The following ZNF536 variants were observed in gnomAD, a reference collection of about 807,000 sequenced individuals.
ZNF536 encodes zinc finger protein 536.
ZNF536 carries 13 observed loss-of-function variants against 84.5 expected under a neutral mutation model. The observed-to-expected ratio is 0.15, with a 90% CI of 0.10 to 0.24. The LOEUF is 0.24. Ranked by LOEUF, ZNF536 falls within the 10% of genes least tolerant of loss-of-function variation. The probability of loss-of-function intolerance (pLI) is 1.00; values close to 1 mark genes in which losing one functional copy is unlikely to be tolerated. For missense variants in ZNF536, 1,536 were observed against 1,747.5 expected, an observed-to-expected ratio of 0.88 and a Z score of 2.16; for synonymous variants, 811 against 742.5, an observed-to-expected ratio of 1.09 and a Z score of -1.50.
chr19:30,246,534 C>A (rs1429468336), intron 1 of ZNF536, among the ~76,000 whole-genome samples: 1 of 152,186 alleles, frequency 6.6e-6, no homozygotes, highest in Non-Finnish European at 1.5e-5. Flanking sequence ...TGTTCTTTTT[C>A]TTCCCATAGT....
intron 1 of ZNF536, among the ~76,000 whole-genome samples, chr19:30,283,258 T>C (rs2045514328): frequency 6.6e-6 from 1 of 152,140 alleles, no homozygotes; most frequent in Non-Finnish European, 1.5e-5. Context: ...GCAAAACAAA[T>C]GAGAATCCAA....
chr19:30,415,369 TCTTC>T (rs1286347084), intron 1 of ZNF536, among the ~76,000 whole-genome samples: 1 of 149,900 alleles, frequency 6.7e-6, no homozygotes, highest in Non-Finnish European at 1.5e-5. Flanking sequence ...TCCTTTTCCT[TCTTC>T]CTTCTTCTCC....
chr19:30,626,773 C>T (rs372371617), intron 1 of ZNF536, among the ~76,000 whole-genome samples: 5 of 152,318 alleles, frequency 3.3e-5, no homozygotes, highest in African/African-American at 1.2e-4. Flanking sequence ...GGATGCTGGG[C>T]GGATGTGCGG....
chr19:30,440,881 GGATAGATA>G (rs56021291), intron 1 of ZNF536, among the ~76,000 whole-genome samples: 55,186 of 145,290 alleles, frequency 0.38, 10,832 homozygotes, highest in Admixed American at 0.46. Flanking sequence ...ACTCTGGCCA[GGATAGATA>G]GATAGATAGA....
chr19:30,441,950 G>A (rs1429547744), intron 1 of ZNF536, among the ~76,000 whole-genome samples: 2 of 152,316 alleles, frequency 1.3e-5, no homozygotes, highest in African/African-American at 2.4e-5. Flanking sequence ...AGACCCTGCC[G>A]AGGCTGCCTG....
At chr19:30,690,255 A>G (rs879692169) in intron 1 of ZNF536, among the ~76,000 whole-genome samples, 1 of 152,206 alleles carries the variant, frequency 6.6e-6, no homozygotes, top group Admixed American at 6.5e-5. Context: ...TGGGGTGAAA[A>G]GACTCTTCTA....
intron 2 of ZNF536, among the ~76,000 whole-genome samples, chr19:30,485,714 C>A (rs531066939): frequency 2.4e-4 from 37 of 151,192 alleles, no homozygotes; most frequent in Non-Finnish European, 5.0e-4. Flanking sequence ...GGGGAAACAT[C>A]TTTTCTTTGT....
intron 2 of ZNF536, among the ~76,000 whole-genome samples, chr19:30,491,409 G>C (rs561357652): frequency 6.6e-6 from 1 of 152,292 alleles, no homozygotes; most frequent in African/African-American, 2.4e-5. Flanking sequence ...CACAGTGTGT[G>C]TTGTGGGGAG....
In ZNF536 at chr19:30,538,688, C is replaced by T. The variant is rs575738128; in HGVS notation, c.2323+3689C>T. 5.3e-5 allele frequency among the ~76,000 whole-genome samples: 8 copies of T among 152,312 alleles called. No individual in the cohort carries two copies. In the East Asian group the frequency reaches 1.5e-3, roughly 29 times the overall value. ...CCATCAGATCCTGGAGGCTGCCTCA[C>T]TCTGGCTCCAGGCAGGGCAGACGTT... is the stretch of plus-strand genomic sequence containing the variant. On this transcript the variant is annotated intron_variant, in intron 3 of 4. Coordinates refer to ENST00000355537, the MANE Select transcript of ZNF536 (RefSeq NM_014717.3).
At position 30,445,789 on chromosome 19, in the gene ZNF536, G is replaced by A. The variant is rs2148239658; in HGVS notation, c.2170+57G>A. On this transcript the variant is annotated intron_variant, in intron 2 of 4. Transcript: ENST00000355537. This position sits in a 1 kb window ranked among gnomAD's most constrained non-coding sequence, Gnocchi z 4.5. ...TTGTACAGCAGCCCTGCTCAGGGCT[G>A]CCTGGTTCTGCTCCCAGGCCTCCAG... 6.6e-7 allele frequency: 1 copy of A among 1,509,006 alleles called. No homozygotes were observed. Among genetic ancestry groups the A allele is most frequent in the Admixed American group, 2.3e-5 (1 of 43,592 alleles). The allele number at this position is 1,509,006 out of a possible 1,614,324, so 93.5% of individuals were successfully genotyped here.
At chr19:30,225,954 G>A (rs2022588068), upstream of ZNF536, among the ~76,000 whole-genome samples, 1 of 148,390 alleles carries the variant, frequency 6.7e-6, no homozygotes. Context: ...GGGGTGGGGG[G>A]AAAGAAGAGG....
intron 1 of ZNF536, among the ~76,000 whole-genome samples, chr19:30,258,654 A>G (rs1238496976): frequency 1.3e-5 from 2 of 152,062 alleles, no homozygotes; most frequent in Non-Finnish European, 2.9e-5. Context: ...GTTCTTTAGT[A>G]CATAAGTCAT....
chr19:30,435,368 GTGA>G lies in ZNF536; in HGVS notation c.-2-8178_-2-8176del, dbSNP rs994897981. Among the ~76,000 whole-genome samples the G allele has an allele frequency of 1.6e-4, 24 of 148,512 alleles. No homozygotes were observed. In the East Asian group the frequency reaches 2.0e-3, roughly 13 times the overall value. ...GGTGATGCTGATGCTGGTGATGGTG[GTGA>G]TGATGATGATGATGGTGTGATGATG... On this transcript the variant is annotated intron_variant, in intron 1 of 4. Coordinates refer to ENST00000355537, the MANE Select transcript of ZNF536 (RefSeq NM_014717.3).
intron 2 of ZNF536, among the ~76,000 whole-genome samples, chr19:30,311,715 T>G (rs765951851): frequency 6.6e-6 from 1 of 152,126 alleles, no homozygotes; most frequent in Non-Finnish European, 1.5e-5. Flanking sequence ...TGTGAGATCA[T>G]GGGTTGAAGG....
intron 4 of ZNF536, among the ~76,000 whole-genome samples, chr19:30,552,624 T>C (rs2045823969): frequency 6.6e-6 from 1 of 152,188 alleles, no homozygotes; most frequent in Non-Finnish European, 1.5e-5. Context: ...TCTGCATGCC[T>C]TCTTCCTAAC....
At chr19:30,316,538 G>A (rs2046683647) in intron 2 of ZNF536, among the ~76,000 whole-genome samples, 1 of 152,194 alleles carries the variant, frequency 6.6e-6, no homozygotes, top group South Asian at 2.1e-4. Flanking sequence ...TTGGGGGGCT[G>A]CTGTAGAGCA....
intron 1 of ZNF536, among the ~76,000 whole-genome samples, chr19:30,702,952 G>T (rs1241009911): frequency 6.6e-6 from 1 of 152,174 alleles, no homozygotes; most frequent in Non-Finnish European, 1.5e-5. Context: ...CTGCCTGGTG[G>T]GGAAGACAGC....
chr19:30,710,347 G>A (rs995379946), intron 1 of ZNF536, among the ~76,000 whole-genome samples: 3 of 152,156 alleles, frequency 2.0e-5, no homozygotes, highest in Admixed American at 6.5e-5. Context: ...CTCGAGACCA[G>A]CCTAGGCAAC....
chr19:30,617,347 T>TTTTTTTTTTTTTTTTTTC (rs2048334697), intron 1 of ZNF536, among the ~76,000 whole-genome samples: 1 of 70,216 alleles, frequency 1.4e-5, no homozygotes, highest in Non-Finnish European at 2.7e-5. Context: ...TTTTTTTTTT[T>TTTTTTTTTTTTTTTTTTC]TTTTTTTTTT....
Sources: allele counts gnomAD v4.1 joint callset (sites outside exome capture counted in the v4.1 genomes callset), GRCh38; gene constraint gnomAD v4.1.1; non-coding constraint Gnocchi (gnomAD v3.1); transcripts MANE v1.5; gene names NCBI Gene and HGNC (gene_info 2026-07-23, HGNC 2026-07-21).